KIFAP3: variants seen among roughly 807,000 people sequenced by gnomAD.
KIFAP3 encodes the protein kinesin-associated protein 3.
Under a neutral mutation model 106.5 loss-of-function variants are expected in KIFAP3, and 68 were observed. The ratio of observed to expected loss-of-function variants is 0.64; its 90% confidence interval spans 0.53 to 0.78. The LOEUF (loss-of-function observed/expected upper bound fraction) is 0.78, where lower values mean the gene tolerates loss of function less well. Ranked by LOEUF, KIFAP3 falls within the 30% of genes least tolerant of loss-of-function variation. The pLI, the probability that KIFAP3 is intolerant of heterozygous loss-of-function variation, is 0.00. For synonymous variants in KIFAP3, 320 were observed against 311.5 expected (o/e 1.03, Z -0.29); for missense variants, 780 against 941.8 (o/e 0.83, Z 2.25).
intron 15 of KIFAP3, 145 bp from the exon 16 acceptor site, chr1:169,978,328 A>T: frequency 1.8e-6 from 1 of 563,510 alleles, no homozygotes; most frequent in Non-Finnish European, 3.1e-6. Flanking sequence ...CTATGTTCCT[A>T]ATGTAAAATA....
intron 17 of KIFAP3, among the ~76,000 whole-genome samples, chr1:169,964,097 G>T (rs1665477086): frequency 6.6e-6 from 1 of 151,950 alleles, no homozygotes; most frequent in African/African-American, 2.4e-5. Flanking sequence ...TTACTGATGT[G>T]GTCACAGTGA....
chr1:170,025,853 G>C (rs1188375622), intron 8 of KIFAP3, among the ~76,000 whole-genome samples: 8 of 152,200 alleles, frequency 5.3e-5, no homozygotes, highest in Non-Finnish European at 1.2e-4. Flanking sequence ...TCTCTTTACA[G>C]CCAAGATAGA....
In KIFAP3 at chr1:170,027,960, C is replaced by G. The variant is rs554458754; in HGVS notation, c.842-3364G>C. Among the ~76,000 whole-genome samples the G allele has an allele frequency of 2.0e-5, 3 of 152,114 alleles. No homozygotes were observed. The South Asian group carries it at 6.2e-4, about 32-fold the overall frequency. On this transcript the variant is annotated intron_variant, in intron 8 of 19. Transcript: ENST00000361580. ...TAGACAAAGATAGCATGACAGCAGA[C>G]TTCTCATCAAAAACAATGCAAACAA...
At chr1:169,976,472 G>T (rs1349233639) in intron 16 of KIFAP3, among the ~76,000 whole-genome samples, 4 of 151,900 alleles carry the variant, frequency 2.6e-5, no homozygotes, top group African/African-American at 9.7e-5. Flanking sequence ...ATGTTCCATG[G>T]AATACAGCTG....
Position 169,996,729 on chromosome 1 carries a change from G to A in KIFAP3, c.1184-4474C>T, listed in dbSNP as rs185911015. Among the ~76,000 whole-genome samples the A allele has an allele frequency of 2.0e-5, 3 of 152,206 alleles. No individual in the cohort carries two copies. The East Asian group carries it at 5.8e-4, about 29-fold the overall frequency. ...AGTTATCATCATCATTCCTTAGGGCGAAGTACAGGAAGGAGATGCATCTAG... is the reference window on the plus strand; with the variant it reads ...AGTTATCATCATCATTCCTTAGGGCAAAGTACAGGAAGGAGATGCATCTAG... On this transcript the variant is annotated intron_variant, in intron 10 of 19. Transcript: ENST00000361580.
intron 2 of KIFAP3, among the ~76,000 whole-genome samples, chr1:170,051,582 ACATAATTGGGAGTAAAACAATCCTCAG>A (rs1183232265): frequency 6.6e-6 from 1 of 152,210 alleles, no homozygotes; most frequent in African/African-American, 2.4e-5. Context: ...AAAATCGACC[ACATAATTGGGAGTAAAACAATCCTCAG>A]CAAATGCAGA....
Position 169,921,792 on chromosome 1 carries a change from A to G in KIFAP3, c.2274-11T>C, listed in dbSNP as rs518928. The stretch of plus-strand genomic sequence containing the variant: ...CCATCCATTCCAAGGCTAAAAAAGA[A>G]AAAAAAGAATGATAAGCTATGTTTT... On this transcript the variant is annotated splice_polypyrimidine_tract_variant and intron_variant, in intron 19 of 19. Coordinates refer to ENST00000361580, the MANE Select transcript of KIFAP3 (RefSeq NM_014970.4). 1,472,425 of 1,606,102 alleles carry G rather than the reference A, an allele frequency of 0.92. 675,466 individuals carry two copies. The highest frequency in any genetic ancestry group is 0.99 in the East Asian group (44,251 of 44,818).
intron 1 of KIFAP3, among the ~76,000 whole-genome samples, chr1:170,065,133 C>A (rs758898830): frequency 5.7e-4 from 86 of 152,128 alleles, no homozygotes; most frequent in Non-Finnish European, 2.9e-5. Context: ...AAATACTCCT[C>A]TGTAGTTTTT....
intron 1 of KIFAP3, among the ~76,000 whole-genome samples, chr1:170,057,328 G>GA: frequency 6.6e-6 from 1 of 151,872 alleles, no homozygotes; most frequent in Non-Finnish European, 1.5e-5. Context: ...AATTAAAAAG[G>GA]AAAAAAATGA....
intron 17 of KIFAP3, among the ~76,000 whole-genome samples, chr1:169,968,664 AT>A (rs1665754118): frequency 6.6e-6 from 1 of 151,958 alleles, no homozygotes; most frequent in African/African-American, 2.4e-5. Context: ...AATAAAGTTG[AT>A]TTTTATGCAC....
At chr1:169,931,493 A>G (rs1238168016) in intron 19 of KIFAP3, among the ~76,000 whole-genome samples, 2 of 152,202 alleles carry the variant, frequency 1.3e-5, no homozygotes. Context: ...ATTTTAATGA[A>G]GGTATGCCAT....
chr1:169,944,122 T>C (rs1664293683), intron 19 of KIFAP3, among the ~76,000 whole-genome samples: 1 of 152,160 alleles, frequency 6.6e-6, no homozygotes, highest in Admixed American at 6.5e-5. Flanking sequence ...TAGGCTGTGC[T>C]CAGCTTGAGC....
intron 19 of KIFAP3, among the ~76,000 whole-genome samples, chr1:169,924,923 G>T (rs569829829): frequency 1.3e-5 from 2 of 152,148 alleles, no homozygotes; most frequent in African/African-American, 4.8e-5. Flanking sequence ...TGTATCACAG[G>T]AATTTGTATG....
chr1:169,975,766 C>T (rs1666194240), intron 16 of KIFAP3, among the ~76,000 whole-genome samples: 1 of 152,060 alleles, frequency 6.6e-6, no homozygotes, highest in Non-Finnish European at 1.5e-5. Context: ...AGGCATGCAC[C>T]AGAATGCCTG....
At chr1:170,069,090 T>C (rs560190757) in intron 1 of KIFAP3, among the ~76,000 whole-genome samples, 1 of 151,078 alleles carries the variant, frequency 6.6e-6, no homozygotes, top group East Asian at 1.9e-4. Context: ...AAGAGAATAA[T>C]ATGAACACCA....
At chr1:170,042,020 G>A (rs1670006955) in intron 3 of KIFAP3, 1 of 200,778 alleles carries the variant, frequency 5.0e-6, no homozygotes, top group South Asian at 1.7e-4. Flanking sequence ...GGGGAACCCA[G>A]AAGGAAACAT....
chr1:170,009,825 G>T (rs2101984663), intron 10 of KIFAP3, among the ~76,000 whole-genome samples: 1 of 152,004 alleles, frequency 6.6e-6, no homozygotes, highest in East Asian at 1.9e-4. Flanking sequence ...AATAAGTTTT[G>T]ACAAGGAAAA....
rs370011161 is a variant in KIFAP3 at position 169,963,495 on chromosome 1, CT to C, written c.1984-2261del. ...AATAATGGGACTTCTTTTCTTTTAC[CT>C]TTTTTTTGTTGTTGTTGAGATGGAG... On this transcript the variant is annotated intron_variant, in intron 17 of 19. Coordinates refer to ENST00000361580, the MANE Select transcript of KIFAP3 (RefSeq NM_014970.4). Among the ~76,000 whole-genome samples, 1,026 of 151,730 alleles carry C rather than the reference CT, an allele frequency of 6.8e-3. 7 individuals are homozygous for C. Among genetic ancestry groups the C allele is most frequent in the African/African-American group, 0.023 (969 of 41,406 alleles).
At chr1:170,072,043 T>C (rs1354606892) in intron 1 of KIFAP3, among the ~76,000 whole-genome samples, 1 of 152,248 alleles carries the variant, frequency 6.6e-6, no homozygotes, top group Non-Finnish European at 1.5e-5. Context: ...TATTTATGTT[T>C]CATTTACCAA....
Sources: allele counts gnomAD v4.1 joint callset (sites outside exome capture counted in the v4.1 genomes callset), GRCh38; gene constraint gnomAD v4.1.1; transcripts MANE v1.5; gene names NCBI Gene and HGNC (gene_info 2026-07-23, HGNC 2026-07-21).